Variants in PYGM observed in about 807,000 individuals in gnomAD.
PYGM encodes glycogen phosphorylase, muscle form.
In PYGM, 81 loss-of-function variants were observed where a neutral mutation model predicts 99.3. That is an observed-to-expected ratio of 0.82 (90% CI 0.68 to 0.98). The LOEUF is 0.98. Ranked by LOEUF, PYGM falls within the 50% of genes least tolerant of loss-of-function variation. The probability of loss-of-function intolerance (pLI) is 0.00; values close to 1 mark genes in which losing one functional copy is unlikely to be tolerated. For missense variants in PYGM, 1,030 were observed against 1,158.1 expected (o/e 0.89, Z 1.61); for synonymous variants, 436 against 451.5 (o/e 0.97, Z 0.44).
rs1592409560 is a variant in PYGM, at chr11:64,751,920, T to C, written c.1768+4A>G. The C allele has an allele frequency of 6.2e-7, 1 of 1,614,130 alleles. No individual in the cohort carries two copies. Among genetic ancestry groups the C allele is most frequent in the Non-Finnish European group, 8.5e-7 (1 of 1,180,004 alleles). ...AGAGACAGGGTAGAGTGGCTGCCAC[T>C]CACGGTTGTACAGGGTGATGACATG... On this transcript the variant is annotated splice_donor_region_variant and intron_variant, in intron 14 of 19. Transcript: ENST00000164139.
intron 5 of PYGM, 26 bp downstream of exon 5, chr11:64,757,753 C>T (rs1423073915): frequency 6.2e-7 from 1 of 1,613,948 alleles, no homozygotes; most frequent in Non-Finnish European, 8.5e-7. Flanking sequence ...TCTCTGGGCT[C>T]CCCTGACCCC....
Position 64,747,273 on chromosome 11 carries a change from GT to G in PYGM, c.2262del (p.Lys754AsnfsTer49), listed in dbSNP as rs398124210. The G allele has an allele frequency of 8.2e-5, 132 of 1,614,082 alleles. No homozygotes were observed. The highest frequency in any genetic ancestry group is 3.3e-4 in the Middle Eastern group (2 of 6,084). On this transcript the variant is annotated frameshift_variant, in exon 18 of 20. Coordinates refer to ENST00000164139, the MANE Select transcript of PYGM (RefSeq NM_005609.4). LOFTEE classifies it high-confidence loss of function. ...ACAATGTCCTTGAACAGGTCGGGCTGTTTGGGGGAGAAGAAGCCACTGCTCA... is the reference window on the plus strand; with the variant it reads ...ACAATGTCCTTGAACAGGTCGGGCTGTTGGGGGAGAAGAAGCCACTGCTCA... ...EQLSSGFFSP[K>X]QPDLFKDIVN...
Position 64,758,252 on chromosome 11 carries a change from G to A in PYGM, c.522C>T (p.Gly174=), listed in dbSNP as rs771328699. 6.2e-7 allele frequency: 1 copy of A among 1,612,226 alleles called. No homozygotes were observed. Among genetic ancestry groups the A allele is most frequent in the East Asian group, 2.2e-5 (1 of 44,870 alleles). The change falls in exon 4 of 20, where the codon GGC becomes GGT. Residue 174 remains glycine, a synonymous_variant. Coordinates refer to ENST00000164139, the MANE Select transcript of PYGM (RefSeq NM_005609.4). ...FGIFNQKISG[G]WQMEEADDWL... The stretch of plus-strand genomic sequence containing the variant: ...TAGAGCCAAGGCTGCTCACCTGCCA[G>A]CCCCCGGAGATCTTCTGGTTAAAAA...
At chr11:64,757,587 T>G (rs181068785) in intron 5 of PYGM, among the ~76,000 whole-genome samples, 192 bp downstream of exon 5, 1 of 152,302 alleles carries the variant, frequency 6.6e-6, no homozygotes, top group African/African-American at 2.4e-5. Context: ...GACTCTGCAC[T>G]TAGGCTGGCT....
chr11:64,751,844 G>A, intron 14 of PYGM, 80 bp downstream of exon 14: 1 of 1,584,446 alleles, frequency 6.3e-7, no homozygotes, highest in African/African-American at 1.3e-5. Flanking sequence ...GTCCAAAGGA[G>A]ATGTTGGTTG....
At chr11:64,759,284 A>G (rs984108104) in intron 1 of PYGM, among the ~76,000 whole-genome samples, 2 of 151,160 alleles carry the variant, frequency 1.3e-5, no homozygotes, top group Non-Finnish European at 3.0e-5. Flanking sequence ...CGGACACTTG[A>G]TCTCTGCCGC....
intron 18 of PYGM, 96 bp downstream of exon 18, chr11:64,747,128 A>T: frequency 2.5e-6 from 4 of 1,579,464 alleles, no homozygotes; most frequent in Non-Finnish European, 3.5e-6. Flanking sequence ...GCCTGGCTCC[A>T]ACTACCAGGA....
rs1418915663 is a variant in PYGM at position 64,754,587 on chromosome 11, A to G, written c.999+106T>C. 6 of 1,470,108 alleles carry G rather than the reference A, an allele frequency of 4.1e-6. No homozygotes were observed. Among genetic ancestry groups the G allele is most frequent in the Non-Finnish European group, 4.6e-6 (5 of 1,078,430 alleles). 91.1% of individuals were successfully genotyped at this position (1,470,108 alleles called of 1,614,324 possible). On this transcript the variant is annotated intron_variant, in intron 8 of 19. Transcript: ENST00000164139. This position sits in a 1 kb window ranked among gnomAD's most constrained non-coding sequence, Gnocchi z 5.5. ...GAACAACTGACCCTCCCACACTCCCAGTCTCCACTCCCTTATCTATTACAT... is the reference window on the plus strand; with the variant it reads ...GAACAACTGACCCTCCCACACTCCCGGTCTCCACTCCCTTATCTATTACAT...
chr11:64,752,350 C>T (rs1448469630), intron 13 of PYGM, 53 bp downstream of exon 13: 2 of 1,582,654 alleles, frequency 1.3e-6, no homozygotes, highest in African/African-American at 1.3e-5. Flanking sequence ...GACATCTGGC[C>T]CCTCCAGCGC....
At chr11:64,751,072 A>C in intron 16 of PYGM, 1 of 478,594 alleles carries the variant, frequency 2.1e-6, no homozygotes, top group Non-Finnish European at 3.8e-6. Flanking sequence ...TTGTATTTTT[A>C]GTAGAGACGG....
In PYGM at chr11:64,759,867, C is replaced by A; in HGVS notation, c.32G>T (p.Arg11Ile). MSRPLSDQEKRKQISVRGLAG... is the reference protein window; with the variant it reads MSRPLSDQEKIKQISVRGLAG... Reference sequence around the variant, plus strand: ...CAGGCCACGCACACTGATTTGCTTTCTTTTCTCTTGGTCTGACAGGGGCCG... The same window carrying A: ...CAGGCCACGCACACTGATTTGCTTTATTTTCTCTTGGTCTGACAGGGGCCG... The change falls in exon 1 of 20, where the codon AGA (arginine) becomes ATA (isoleucine). Residue 11 changes from arginine to isoleucine, a missense_variant. Transcript: ENST00000164139. 1 of 1,614,220 alleles carries A rather than the reference C, an allele frequency of 6.2e-7. No individual in the cohort carries two copies.
chr11:64,751,505 C>T lies in PYGM; in HGVS notation c.1828-39G>A, dbSNP rs764859236. 2.1e-5 allele frequency: 34 copies of T among 1,613,912 alleles called. No individual in the cohort carries two copies. The Middle Eastern group carries it at 9.9e-4, about 47-fold the overall frequency. On this transcript the variant is annotated intron_variant, in intron 15 of 19. Coordinates refer to ENST00000164139, the MANE Select transcript of PYGM (RefSeq NM_005609.4). The stretch of plus-strand genomic sequence containing the variant: ...GTCTGGGGTCAGCTCTACTGCCTGG[C>T]CCCCCACCCCCTATCCTGCAACTCA...
At chr11:64,751,768 C>G (rs1437879399) in intron 14 of PYGM, 113 bp from the exon 15 acceptor site, 1 of 1,511,292 alleles carries the variant, frequency 6.6e-7, no homozygotes, top group Non-Finnish European at 9.1e-7. Context: ...ACTTGCTATG[C>G]TCTCTTAGCC....
At chr11:64,752,648 C>A in intron 12 of PYGM, 144 bp from the exon 13 acceptor site, 1 of 828,304 alleles carries the variant, frequency 1.2e-6, no homozygotes, top group Non-Finnish European at 2.0e-6. Flanking sequence ...CTCCAGCCGC[C>A]CAGATGGGGC....
At position 64,746,933 on chromosome 11, in the gene PYGM, GCTGA is replaced by G. The variant is rs1565531128; in HGVS notation, c.2363_2366del (p.Val788AlafsTer14). ...CAGGACCCCTCACCTTGTACAAGGC[GCTGA>G]CTTTCTCCTGGCATTTAATGTAGTC... On this transcript the variant is annotated frameshift_variant, in exon 19 of 20. Coordinates refer to ENST00000164139, the MANE Select transcript of PYGM (RefSeq NM_005609.4). LOFTEE classifies it high-confidence loss of function. The G allele has an allele frequency of 2.5e-6, 4 of 1,614,194 alleles. No individual in the cohort carries two copies. In the African/African-American group the frequency reaches 4.0e-5, roughly 16 times the overall value.
In PYGM at chr11:64,758,450, C is replaced by G; in HGVS notation, c.411G>C (p.Leu137=). The change falls in exon 3 of 20, where the codon CTG becomes CTC. Residue 137 remains leucine, a synonymous_variant. Transcript: ENST00000164139. The stretch of plus-strand genomic sequence containing the variant: ...CTGTCTTCTTACCTGCCAGCCGGCC[C>G]AGGCCCCCGTTGCCCAGCCCCGCAT... ...EEDAGLGNGG[L]GRLAACFLDS... 2 of 1,613,988 alleles carry G rather than the reference C, an allele frequency of 1.2e-6. No individual in the cohort carries two copies. The highest frequency in any genetic ancestry group is 1.7e-6 in the Non-Finnish European group (2 of 1,180,014).
chr11:64,753,369 G>T, intron 11 of PYGM, 150 bp downstream of exon 11: 1 of 1,255,252 alleles, frequency 8.0e-7, no homozygotes, highest in Non-Finnish European at 1.1e-6. Flanking sequence ...ACTGGAAGGG[G>T]CTGCTGTGCT....
Position 64,758,471 on chromosome 11 carries a change from C to G in PYGM, c.390G>C (p.Ala130=). The stretch of plus-strand genomic sequence containing the variant: ...GGCCCAGGCCCCCGTTGCCCAGCCC[C>G]GCATCCTCCTCAATTTCCTCCAGCT... The part of the protein sequence containing the change: ...MEELEEIEED[A]GLGNGGLGRL... The change falls in exon 3 of 20, where the codon GCG becomes GCC. Residue 130 remains alanine (A), a synonymous_variant. Coordinates refer to ENST00000164139, the MANE Select transcript of PYGM (RefSeq NM_005609.4). The G allele has an allele frequency of 1.2e-6, 2 of 1,614,052 alleles. No homozygotes were observed. Among genetic ancestry groups the G allele is most frequent in the African/African-American group, 1.3e-5 (1 of 75,014 alleles).
At chr11:64,758,839 C>T (rs2058413802) in intron 1 of PYGM, 135 bp from the exon 2 acceptor site, 3 of 804,672 alleles carry the variant, frequency 3.7e-6, no homozygotes, top group Admixed American at 2.0e-5. Flanking sequence ...TTTGTTTCTC[C>T]CTGTCTCAGG....
Sources: gnomAD v4.1 joint callset for allele counts (sites outside exome capture counted in the v4.1 genomes callset) on GRCh38, gnomAD v4.1.1 for gene constraint, Gnocchi (gnomAD v3.1) non-coding constraint, MANE v1.5 for transcripts, NCBI Gene and HGNC (gene_info 2026-07-23, HGNC 2026-07-21) for gene names.